The following CRYBG1 variants were observed in gnomAD, a reference collection of about 807,000 sequenced individuals.
The protein encoded by CRYBG1 is crystallin beta-gamma domain containing 1.
A neutral mutation model predicts 189.2 loss-of-function variants in CRYBG1; 139 were observed. The observed-to-expected ratio is 0.73, with a 90% CI of 0.64 to 0.85. The LOEUF (loss-of-function observed/expected upper bound fraction) is 0.85, where lower values mean the gene tolerates loss of function less well. Among genes scored for constraint, CRYBG1 ranks in the 40% least tolerant of loss-of-function variants. The probability of loss-of-function intolerance (pLI) is 0.00; values close to 1 mark genes in which losing one functional copy is unlikely to be tolerated. For missense variants in CRYBG1, 2,611 were observed against 2,675.8 expected (o/e 0.98, Z 0.53); for synonymous variants, 1,023 against 1,017.1 (o/e 1.01, Z -0.11).
intron 17 of CRYBG1, among the ~76,000 whole-genome samples, chr6:106,557,783 AGAGATTAATGTAGAAT>A (rs1435702580): frequency 6.6e-6 from 1 of 152,230 alleles, no homozygotes; most frequent in East Asian, 1.9e-4. Context: ...TACTATCATT[AGAGATTAATGTAGAAT>A]CAAAAGTGTC....
intron 2 of CRYBG1, among the ~76,000 whole-genome samples, chr6:106,498,272 CTAAT>C (rs1167419293): frequency 6.6e-6 from 1 of 152,088 alleles, no homozygotes; most frequent in Non-Finnish European, 1.5e-5. Flanking sequence ...CAAATAATGA[CTAAT>C]TATAAAGCAA....
intron 1 of CRYBG1, among the ~76,000 whole-genome samples, chr6:106,381,073 G>A (rs1002141127): frequency 6.6e-6 from 1 of 152,152 alleles, no homozygotes; most frequent in Non-Finnish European, 1.5e-5. Context: ...CTCTTAAGAT[G>A]TACATACATT....
rs745613506 is a variant in CRYBG1 at position 106,519,768 on chromosome 6, A to G, written c.2560A>G (p.Lys854Glu). Residue 854 changes from lysine (K) to glutamate (E), a missense_variant, in exon 4 of 22, where the codon AAG becomes GAG. Lys to Glu is a moderately conservative substitution (Grantham distance 56). This residue lies in a region of CRYBG1 where 1,622 missense variants were observed against 1,735.0 expected (regional missense o/e 0.93). Transcript: ENST00000633556. The stretch of plus-strand genomic sequence containing the variant: ...AGATTTACCTCCAACGGCCATGCCA[A>G]AGCCACAGCATACATTTTCTGACTC... ...TKDLPPTAMP[K>E]PQHTFSDSQS... The G allele has an allele frequency of 6.2e-7, 1 of 1,614,088 alleles. No homozygotes were observed.
intron 12 of CRYBG1, 33 bp from the exon 13 acceptor site, chr6:106,544,755 A>T (rs2275572): frequency 0.024 from 39,163 of 1,604,568 alleles, 1,781 homozygotes; most frequent in East Asian, 0.18. Flanking sequence ...ATAAATGGCT[A>T]GCCTTTGAAT....
chr6:106,494,039 CTGAT>C (rs1260920813), intron 2 of CRYBG1, among the ~76,000 whole-genome samples: 1 of 152,126 alleles, frequency 6.6e-6, no homozygotes, highest in Non-Finnish European at 1.5e-5. Context: ...GAATGAAGTA[CTGAT>C]AAATATGCAT....
intron 8 of CRYBG1, among the ~76,000 whole-genome samples, chr6:106,536,243 A>G (rs1372910173): frequency 6.6e-6 from 1 of 152,234 alleles, no homozygotes; most frequent in Non-Finnish European, 1.5e-5. Context: ...CAGTTTTGGC[A>G]CGGATACTTC....
chr6:106,390,964 G>A (rs527882553), intron 1 of CRYBG1, among the ~76,000 whole-genome samples: 1 of 152,316 alleles, frequency 6.6e-6, no homozygotes, highest in African/African-American at 2.4e-5. Flanking sequence ...GGGACATGGG[G>A]CAAACATATG....
intron 1 of CRYBG1, among the ~76,000 whole-genome samples, chr6:106,379,903 A>C (rs1770254653): frequency 6.6e-6 from 1 of 152,188 alleles, no homozygotes; most frequent in Non-Finnish European, 1.5e-5. Flanking sequence ...CTAATTACAG[A>C]TCACACTAAG....
Position 106,558,242 on chromosome 6 carries a change from C to CTTT in CRYBG1, c.5716-244_5716-243insTTT, listed in dbSNP as rs1582839101. ...TATACCCATTTCTCTTTTTTTTTTC[C>CTTT]CCCTGTTTTACAAACTATTTATATT... On this transcript the variant is annotated intron_variant, in intron 17 of 21. Coordinates refer to ENST00000633556, the MANE Select transcript of CRYBG1 (RefSeq NM_001371242.2). Among the ~76,000 whole-genome samples the CTTT allele has an allele frequency of 1.1e-4, 15 of 137,282 alleles. No individual in the cohort carries two copies. The East Asian group carries it at 1.5e-3, about 14-fold the overall frequency. 90.1% of individuals were successfully genotyped at this position (137,282 alleles called of 152,430 possible).
chr6:106,416,074 C>T (rs767379475), intron 1 of CRYBG1, among the ~76,000 whole-genome samples: 1 of 152,204 alleles, frequency 6.6e-6, no homozygotes, highest in Non-Finnish European at 1.5e-5. Context: ...TTCCCCCCAC[C>T]CAAGACTGTT....
intron 1 of CRYBG1, among the ~76,000 whole-genome samples, chr6:106,379,687 T>C (rs1375628614): frequency 1.3e-5 from 2 of 152,062 alleles, no homozygotes; most frequent in African/African-American, 2.4e-5. Context: ...GCCTCCTGAG[T>C]AGCTGGGACT....
intron 1 of CRYBG1, among the ~76,000 whole-genome samples, chr6:106,418,641 C>A (rs1771067910): frequency 6.6e-6 from 1 of 152,198 alleles, no homozygotes; most frequent in Non-Finnish European, 1.5e-5. Context: ...GACTTAGGTT[C>A]ATAATTGTAG....
rs1335815438 is a variant in CRYBG1 at position 106,515,999 on chromosome 6, C to T, written c.1922+2960C>T. ...AGAGACAGGATTTTGCCATGTTCCC[C>T]GGGCTGGTCTCAAACTCCTGGGTTC... On this transcript the variant is annotated intron_variant, in intron 3 of 21. Transcript: ENST00000633556. Among the ~76,000 whole-genome samples, 468 of 151,832 alleles carry T rather than the reference C, an allele frequency of 3.1e-3. 6 individuals are homozygous for T. Among genetic ancestry groups the T allele is most frequent in the African/African-American group, 0.011 (446 of 41,368 alleles).
At chr6:106,542,248 T>C (rs9386563) in intron 10 of CRYBG1, among the ~76,000 whole-genome samples, 1 of 143,480 alleles carries the variant, frequency 7.0e-6, no homozygotes, top group Non-Finnish European at 1.5e-5. Context: ...TTTTTTTTTT[T>C]CTTTTTACTA....
intron 2 of CRYBG1, among the ~76,000 whole-genome samples, chr6:106,507,887 G>A (rs1247008754): frequency 6.6e-6 from 1 of 152,122 alleles, no homozygotes; most frequent in African/African-American, 2.4e-5. Flanking sequence ...TGGTCCCGTG[G>A]GAGAAGACTG....
At chr6:106,410,937 A>G (rs1421183643) in intron 1 of CRYBG1, among the ~76,000 whole-genome samples, 1 of 152,166 alleles carries the variant, frequency 6.6e-6, no homozygotes, top group Non-Finnish European at 1.5e-5. Flanking sequence ...GCAGCAAACC[A>G]CCATGGCACA....
intron 1 of CRYBG1, among the ~76,000 whole-genome samples, chr6:106,417,041 T>A (rs1440078079): frequency 1.4e-5 from 2 of 144,518 alleles, no homozygotes; most frequent in Non-Finnish European, 3.0e-5. Context: ...GGTCTTGCTC[T>A]GCTGCCCAGG....
chr6:106,559,982 C>T (rs981714062), intron 18 of CRYBG1, among the ~76,000 whole-genome samples: 5 of 151,924 alleles, frequency 3.3e-5, no homozygotes, highest in Non-Finnish European at 7.4e-5. Context: ...GTAGTCCCAG[C>T]TACTCAGGAG....
At chr6:106,423,657 C>T (rs1448163091) in intron 1 of CRYBG1, among the ~76,000 whole-genome samples, 2 of 146,490 alleles carry the variant, frequency 1.4e-5, no homozygotes, top group Non-Finnish European at 3.0e-5. Flanking sequence ...TAAATCTCCT[C>T]TTCTCCTCCA....
Sources: gnomAD v4.1 joint callset for allele counts (sites outside exome capture counted in the v4.1 genomes callset) on GRCh38, gnomAD v4.1.1 for gene constraint, gnomAD v4.1.1 regional missense constraint, MANE v1.5 for transcripts, NCBI Gene and HGNC (gene_info 2026-07-23, HGNC 2026-07-21) for gene names.